Variants in LRRFIP1 observed in about 807,000 individuals in gnomAD.
LRRFIP1 encodes the protein LRR binding FLII interacting protein 1.
A neutral mutation model predicts 104.4 loss-of-function variants in LRRFIP1; 62 were observed. The observed-to-expected ratio is 0.59, with a 90% CI of 0.48 to 0.73. LRRFIP1 has a LOEUF of 0.73. Ranked by LOEUF, LRRFIP1 falls within the 30% of genes least tolerant of loss-of-function variation. The pLI is 0.00. For synonymous variants in LRRFIP1, 300 were observed against 299.0 expected (o/e 1.00, Z -0.03); for missense variants, 796 against 824.5 (o/e 0.97, Z 0.42).
chr2:237,679,631 G>A (rs1477199986), intron 1 of LRRFIP1, among the ~76,000 whole-genome samples: 1 of 151,902 alleles, frequency 6.6e-6, no homozygotes, highest in African/African-American at 2.4e-5. Flanking sequence ...TTTTTGAGAC[G>A]GTGTATCGCT....
At chr2:237,715,885 T>C (rs1427487624) in intron 3 of LRRFIP1, among the ~76,000 whole-genome samples, 1 of 152,134 alleles carries the variant, frequency 6.6e-6, no homozygotes. Context: ...CACTTGCTGT[T>C]ACTAGGGGCG....
rs191988053 is a variant in LRRFIP1, at chr2:237,723,148, G to T, written c.346-400G>T. 5.2e-3 allele frequency among the ~76,000 whole-genome samples: 794 copies of T among 152,204 alleles called. 7 individuals carry two copies. Among genetic ancestry groups the T allele is most frequent in the African/African-American group, 0.019 (772 of 41,534 alleles). ...GCCTCCTCAGAAAGTCTAGATTTTG[G>T]ATTTTCTAGAATTTCTCGAGTTTAG... On this transcript the variant is annotated intron_variant, in intron 6 of 23. Transcript: ENST00000308482.
chr2:237,683,017 A>G (rs2091991424), intron 1 of LRRFIP1, among the ~76,000 whole-genome samples: 1 of 152,142 alleles, frequency 6.6e-6, no homozygotes. Context: ...TGGGGTGGAG[A>G]GCGCTGCCAG....
At chr2:237,656,947 A>G (rs987282794) in intron 1 of LRRFIP1, among the ~76,000 whole-genome samples, 1 of 152,284 alleles carries the variant, frequency 6.6e-6, no homozygotes, top group Non-Finnish European at 1.5e-5. Flanking sequence ...TGTTACGAAG[A>G]TAACATAATT....
chr2:237,758,992 T>C (rs2059586651), intron 18 of LRRFIP1, among the ~76,000 whole-genome samples, 171 bp downstream of exon 18: 1 of 152,228 alleles, frequency 6.6e-6, no homozygotes, highest in Non-Finnish European at 1.5e-5. Context: ...GTAAAATAAA[T>C]GTAGGTTCAG....
chr2:237,779,417 C>A lies in LRRFIP1; in HGVS notation c.1813-5C>A, dbSNP rs764824948. 4.3e-6 allele frequency: 7 copies of A among 1,612,750 alleles called. No individual in the cohort carries two copies. In the Admixed American group the frequency reaches 1.0e-4, roughly 23 times the overall value. On this transcript the variant is annotated splice_polypyrimidine_tract_variant and splice_region_variant and intron_variant, in intron 23 of 23. Coordinates refer to ENST00000308482, the MANE Select transcript of LRRFIP1 (RefSeq NM_001137550.2). ...TAAAGCTCACTGCCTTTCCTCCGTT[C>A]CCAGCTCCGCTCTGCATTGGATAAA...
chr2:237,729,178 C>T (rs148061868), intron 8 of LRRFIP1, among the ~76,000 whole-genome samples: 2,230 of 152,308 alleles, frequency 0.015, 61 homozygotes, highest in African/African-American at 0.051. Flanking sequence ...CTGCGCACCT[C>T]GGCCTCCCAA....
intron 2 of LRRFIP1, among the ~76,000 whole-genome samples, chr2:237,713,822 T>C (rs1166037199): frequency 1.3e-5 from 2 of 152,248 alleles, no homozygotes; most frequent in Admixed American, 6.5e-5. Context: ...TGTGTGTCTG[T>C]GTGAATCAGA....
chr2:237,732,763 T>G (rs1254076700), intron 8 of LRRFIP1, among the ~76,000 whole-genome samples: 2 of 152,218 alleles, frequency 1.3e-5, no homozygotes, highest in Non-Finnish European at 2.9e-5. Flanking sequence ...TTTAAAAATA[T>G]TTTTTCTCTT....
intron 7 of LRRFIP1, among the ~76,000 whole-genome samples, 172 bp downstream of exon 7, chr2:237,723,758 G>A (rs544918681): frequency 1.3e-5 from 2 of 152,244 alleles, no homozygotes; most frequent in Non-Finnish European, 2.9e-5. Context: ...TCCTCCTGGG[G>A]CCTCCAGGGT....
At chr2:237,752,589 C>T (rs1321196262) in intron 14 of LRRFIP1, among the ~76,000 whole-genome samples, 1 of 143,850 alleles carries the variant, frequency 7.0e-6, no homozygotes. Flanking sequence ...TGCATGTATG[C>T]GCCCTGAAGG....
intron 1 of LRRFIP1, among the ~76,000 whole-genome samples, chr2:237,640,359 C>G (rs922298610): frequency 1.3e-5 from 2 of 151,940 alleles, no homozygotes; most frequent in African/African-American, 4.8e-5. Context: ...GGAAGTTGAT[C>G]TCTCCCTGTT....
chr2:237,769,160 C>T (rs1026517557), intron 19 of LRRFIP1: 1 of 152,214 alleles, frequency 6.6e-6, no homozygotes, highest in Admixed American at 6.5e-5. Flanking sequence ...GAGTGTGCAG[C>T]ATACGTTATC....
chr2:237,712,630 TGTGTGC>T (rs1336045632), intron 2 of LRRFIP1, among the ~76,000 whole-genome samples: 22 of 152,118 alleles, frequency 1.4e-4, no homozygotes, highest in African/African-American at 5.3e-4. Flanking sequence ...CGCATTCGTG[TGTGTGC>T]GTGTGCATGT....
chr2:237,681,829 G>A (rs907376927), intron 1 of LRRFIP1, among the ~76,000 whole-genome samples: 12 of 149,070 alleles, frequency 8.0e-5, no homozygotes, highest in Non-Finnish European at 1.2e-4. Context: ...ACAGGCGCCC[G>A]CCACTACGCC....
chr2:237,706,296 C>G (rs1404062507), intron 1 of LRRFIP1, among the ~76,000 whole-genome samples: 1 of 152,154 alleles, frequency 6.6e-6, no homozygotes, highest in Non-Finnish European at 1.5e-5. Flanking sequence ...GGTGGCCCTT[C>G]TTTCCCCCAA....
intron 19 of LRRFIP1, chr2:237,763,619 G>T (rs1186142107): frequency 6.2e-7 from 1 of 1,613,718 alleles, no homozygotes; most frequent in African/African-American, 1.3e-5. Context: ...GAAAATTGCA[G>T]CAGAAAGCAG....
rs2095333306 is a variant in LRRFIP1, at chr2:237,738,919, CG to C, written c.556-309del. 2.6e-5 allele frequency among the ~76,000 whole-genome samples: 4 copies of C among 152,376 alleles called. No individual in the cohort carries two copies. The South Asian group carries it at 8.3e-4, about 32-fold the overall frequency. On this transcript the variant is annotated intron_variant, in intron 10 of 23. Coordinates refer to ENST00000308482, the MANE Select transcript of LRRFIP1 (RefSeq NM_001137550.2). ...CTCAAAACAGTCATTTCCACATCCA[CG>C]GGGTGACTTTCTGTGTCTACACTAG...
chr2:237,720,850 A>C (rs746781600), intron 6 of LRRFIP1, 28 bp downstream of exon 6: 1 of 1,608,142 alleles, frequency 6.2e-7, no homozygotes, highest in African/African-American at 1.3e-5. Context: ...TGGAGTTTGC[A>C]TGGCACAGTT....
Sources: gnomAD v4.1 joint callset for allele counts (sites outside exome capture counted in the v4.1 genomes callset) on GRCh38, gnomAD v4.1.1 for gene constraint, MANE v1.5 for transcripts, NCBI Gene and HGNC (gene_info 2026-07-23, HGNC 2026-07-21) for gene names.